Variants in GRIN2B observed in about 807,000 individuals in gnomAD.
GRIN2B encodes glutamate receptor ionotropic, NMDA 2B.
Under a neutral mutation model 114.5 loss-of-function variants are expected in GRIN2B, and 5 were observed. The ratio of observed to expected loss-of-function variants is 0.04; its 90% CI spans 0.02 to 0.09. The LOEUF is 0.09. GRIN2B is among the 10% of genes least tolerant of loss of function. GRIN2B has a pLI of 1.00. For synonymous variants in GRIN2B, 787 were observed against 745.1 expected (o/e 1.06, Z -0.92); for missense variants, 1,108 against 1,943.5 (o/e 0.57, Z 8.08).
chr12:13,801,876 T>C (rs1367928623), intron 3 of GRIN2B, among the ~76,000 whole-genome samples: 1 of 152,096 alleles, frequency 6.6e-6, no homozygotes, highest in African/African-American at 2.4e-5. Context: ...CTCTGAGCTC[T>C]ATACACTTGG....
chr12:13,915,737 C>T (rs762236045), intron 2 of GRIN2B, among the ~76,000 whole-genome samples: 5 of 152,198 alleles, frequency 3.3e-5, no homozygotes, highest in Non-Finnish European at 7.4e-5. Context: ...CTTAGGACCA[C>T]CTCCAGTTGT....
At chr12:13,590,319 C>T (rs1241059504) in intron 10 of GRIN2B, among the ~76,000 whole-genome samples, 1 of 152,052 alleles carries the variant, frequency 6.6e-6, no homozygotes, top group Non-Finnish European at 1.5e-5. Context: ...TTTGCTCCAC[C>T]TATCAATTCC....
chr12:13,888,113 G>A (rs890182317), intron 2 of GRIN2B, among the ~76,000 whole-genome samples: 14 of 152,140 alleles, frequency 9.2e-5, no homozygotes, highest in African/African-American at 3.1e-4. Flanking sequence ...TGGACAGAAT[G>A]TAAAAAGAAA....
In GRIN2B at chr12:13,693,249, T is replaced by C. The variant is rs139134783; in HGVS notation, c.1011-17390A>G. On this transcript the variant is annotated intron_variant, in intron 4 of 13. Coordinates refer to ENST00000609686, the MANE Select transcript of GRIN2B (RefSeq NM_000834.5). Reference sequence around the variant, plus strand: ...TGGTTTCATTCTACATCATTTCGCTTAAGGTTGCAGTTTCCAAGACCCTAT... The same window carrying C: ...TGGTTTCATTCTACATCATTTCGCTCAAGGTTGCAGTTTCCAAGACCCTAT... 3.2e-3 allele frequency among the ~76,000 whole-genome samples: 480 copies of C among 152,276 alleles called. 2 individuals are homozygous for C. Among genetic ancestry groups the C allele is most frequent in the Middle Eastern group, 0.01 (3 of 294 alleles).
chr12:13,915,439 A>G (rs1866700225), intron 2 of GRIN2B, among the ~76,000 whole-genome samples: 1 of 152,098 alleles, frequency 6.6e-6, no homozygotes, highest in Non-Finnish European at 1.5e-5. Flanking sequence ...TCTCTATTTT[A>G]AGCTGTGCCT....
At chr12:13,652,949 T>C (rs570301598) in intron 5 of GRIN2B, among the ~76,000 whole-genome samples, 1 of 152,282 alleles carries the variant, frequency 6.6e-6, no homozygotes, top group East Asian at 1.9e-4. Context: ...TTGATGTCAC[T>C]GGAGCACTAT....
At chr12:13,888,820 T>TA (rs1467783302) in intron 2 of GRIN2B, among the ~76,000 whole-genome samples, 1 of 151,200 alleles carries the variant, frequency 6.6e-6, no homozygotes, top group East Asian at 1.9e-4. Context: ...ATAGGGCACT[T>TA]ACCACGAATG....
chr12:13,650,349 C>CTAT (rs1565488844), intron 5 of GRIN2B, among the ~76,000 whole-genome samples: 2 of 151,694 alleles, frequency 1.3e-5, no homozygotes, highest in South Asian at 4.2e-4. Context: ...AATGTAAATT[C>CTAT]TCTTCTTTCA....
intron 10 of GRIN2B, among the ~76,000 whole-genome samples, chr12:13,584,454 G>A (rs1041072839): frequency 2.0e-5 from 3 of 152,154 alleles, no homozygotes; most frequent in African/African-American, 4.8e-5. Context: ...GAATTGAATC[G>A]CACATGTGGA....
At position 13,821,992 on chromosome 12, in the gene GRIN2B, T is replaced by A. The variant is rs138999133; in HGVS notation, c.411+43806A>T. Among the ~76,000 whole-genome samples, 52 of 152,298 alleles carry A rather than the reference T, an allele frequency of 3.4e-4. No homozygotes were observed. In the East Asian group the frequency reaches 9.8e-3, roughly 29 times the overall value. On this transcript the variant is annotated intron_variant, in intron 3 of 13. Transcript: ENST00000609686. The stretch of plus-strand genomic sequence containing the variant: ...TCTCAGCCATGAAATATGTCCTAAT[T>A]CTAATATATATAAGGTATCAAGTCA...
At chr12:13,860,540 G>C (rs889999919) in intron 3 of GRIN2B, among the ~76,000 whole-genome samples, 6 of 152,088 alleles carry the variant, frequency 3.9e-5, no homozygotes, top group African/African-American at 1.4e-4. Flanking sequence ...GGCCAGAATG[G>C]TCTCGAACTC....
At chr12:13,867,170 G>C (rs1267150675) in intron 2 of GRIN2B, among the ~76,000 whole-genome samples, 4 of 152,124 alleles carry the variant, frequency 2.6e-5, no homozygotes, top group Non-Finnish European at 5.9e-5. Flanking sequence ...TTTGAAAAAT[G>C]TTCCTTTTTT....
intron 2 of GRIN2B, among the ~76,000 whole-genome samples, chr12:13,912,425 G>C (rs1866640326): frequency 6.6e-6 from 1 of 152,204 alleles, no homozygotes. Context: ...GAACAACGCT[G>C]AAAGGAATTA....
intron 4 of GRIN2B, among the ~76,000 whole-genome samples, chr12:13,693,766 C>T (rs1039030819): frequency 6.6e-6 from 1 of 152,156 alleles, no homozygotes; most frequent in Non-Finnish European, 1.5e-5. Context: ...CCGGTGACTC[C>T]CCTACTCTCT....
At chr12:13,711,439 G>C (rs1300196867) in intron 4 of GRIN2B, among the ~76,000 whole-genome samples, 1 of 151,990 alleles carries the variant, frequency 6.6e-6, no homozygotes, top group African/African-American at 2.4e-5. Flanking sequence ...GAGTGAACAG[G>C]CAACCTACAG....
intron 2 of GRIN2B, among the ~76,000 whole-genome samples, chr12:13,891,966 T>C (rs913638021): frequency 6.6e-6 from 1 of 152,212 alleles, no homozygotes. Context: ...CTAATAAAAA[T>C]GATGGCAATA....
At chr12:13,840,396 A>G (rs1449697724) in intron 3 of GRIN2B, among the ~76,000 whole-genome samples, 1 of 152,182 alleles carries the variant, frequency 6.6e-6, no homozygotes, top group Non-Finnish European at 1.5e-5. Context: ...AAATGAATGT[A>G]TCAGTGCAGG....
At chr12:13,735,827 C>T (rs1043704478) in intron 4 of GRIN2B, among the ~76,000 whole-genome samples, 2 of 152,022 alleles carry the variant, frequency 1.3e-5, no homozygotes, top group East Asian at 1.9e-4. Context: ...ATGACTGATA[C>T]GACAGCTGGG....
chr12:13,747,907 C>T (rs1353820253), intron 4 of GRIN2B, among the ~76,000 whole-genome samples: 1 of 152,068 alleles, frequency 6.6e-6, no homozygotes, highest in East Asian at 1.9e-4. Context: ...CTTTCCAGGC[C>T]AAGAGTCAAA....
Sources: allele counts gnomAD v4.1 joint callset (sites outside exome capture counted in the v4.1 genomes callset), GRCh38; gene constraint gnomAD v4.1.1; transcripts MANE v1.5; gene names NCBI Gene and HGNC (gene_info 2026-07-23, HGNC 2026-07-21).